The following PEMT variants were observed in gnomAD, a reference collection of about 807,000 sequenced individuals.
PEMT encodes phospholipid methyltransferase.
Under a neutral mutation model 27.4 loss-of-function variants are expected in PEMT, and 23 were observed. That is an observed-to-expected ratio of 0.84 (90% confidence interval 0.60 to 1.19). PEMT has a LOEUF of 1.19. PEMT is among the 50% of genes most tolerant of loss of function. The probability of loss-of-function intolerance (pLI) is 0.00; values close to 1 mark genes in which losing one functional copy is unlikely to be tolerated. For synonymous variants in PEMT, 137 were observed against 139.1 expected (o/e 0.98, Z 0.11); for missense variants, 307 against 310.1 (o/e 0.99, Z 0.07).
intron 1 of PEMT, among the ~76,000 whole-genome samples, chr17:17,586,541 T>A (rs1254147745): frequency 6.6e-6 from 1 of 152,160 alleles, no homozygotes; most frequent in African/African-American, 2.4e-5. Flanking sequence ...GTGGAAAGAA[T>A]GCACGCGAGG....
chr17:17,538,341 T>C lies in PEMT; in HGVS notation c.205-15946A>G, dbSNP rs186886539. ...ACAGCTCTCACTTAAATAAAATATA[T>C]ATCTAAAAATTTGCCTCAGGCTGGG... On this transcript the variant is annotated intron_variant, in intron 2 of 6. Coordinates refer to ENST00000255389, the MANE Select transcript of PEMT (RefSeq NM_148172.3). Among the ~76,000 whole-genome samples, 33 of 152,282 alleles carry C rather than the reference T, an allele frequency of 2.2e-4. No individual in the cohort carries two copies. The East Asian group carries it at 5.8e-3, about 27-fold the overall frequency.
intron 2 of PEMT, among the ~76,000 whole-genome samples, chr17:17,550,892 C>T (rs1427997432): frequency 1.3e-5 from 2 of 152,242 alleles, no homozygotes; most frequent in African/African-American, 2.4e-5. Context: ...AAACTCCACA[C>T]AGGCAGTGGG....
intron 1 of PEMT, among the ~76,000 whole-genome samples, chr17:17,590,863 C>G (rs1468738180): frequency 6.6e-6 from 1 of 152,218 alleles, no homozygotes; most frequent in Non-Finnish European, 1.5e-5. Context: ...GACAGGCACT[C>G]TCTGGCCTAG....
intron 2 of PEMT, among the ~76,000 whole-genome samples, chr17:17,576,240 T>A (rs531658590): frequency 1.3e-5 from 2 of 152,256 alleles, no homozygotes; most frequent in African/African-American, 4.8e-5. Flanking sequence ...CAGAAGGAAC[T>A]GACGGCCCTC....
At chr17:17,531,176 A>G (rs1204904361) in intron 2 of PEMT, among the ~76,000 whole-genome samples, 1 of 152,194 alleles carries the variant, frequency 6.6e-6, no homozygotes, top group African/African-American at 2.4e-5. Flanking sequence ...GGCCGATTCC[A>G]GTCTACTCTG....
intron 2 of PEMT, among the ~76,000 whole-genome samples, chr17:17,545,347 A>G (rs2142619478): frequency 6.6e-6 from 1 of 152,326 alleles, no homozygotes; most frequent in South Asian, 2.1e-4. Flanking sequence ...CACATGCCCC[A>G]TGGTCTCCAG....
chr17:17,568,222 AC>A (rs920170737), intron 2 of PEMT, among the ~76,000 whole-genome samples: 2 of 150,980 alleles, frequency 1.3e-5, no homozygotes, highest in Non-Finnish European at 3.0e-5. Flanking sequence ...TGCCCCTATG[AC>A]TCCTCCAAAA....
In PEMT at chr17:17,582,202, C is replaced by G; in HGVS notation, c.97-5175G>C. ...CTGCTACCCAGTAATTCTAATGGAA[C>G]CCCCACTCCAAGGCTCCAGGTTGCA... On this transcript the variant is annotated intron_variant, in intron 1 of 6. Coordinates refer to ENST00000255389, the MANE Select transcript of PEMT (RefSeq NM_148172.3). This position sits in a 1 kb window ranked among gnomAD's most constrained non-coding sequence, Gnocchi z 4.9. 1 of 898,858 alleles carries G rather than the reference C, an allele frequency of 1.1e-6. No homozygotes were observed. Among genetic ancestry groups the G allele is most frequent in the African/African-American group, 1.8e-5 (1 of 55,560 alleles). 55.7% of individuals were successfully genotyped at this position (898,858 alleles called of 1,614,324 possible). A position where few individuals can be genotyped will look rare whatever the true frequency, so the allele number is the denominator to read the frequency against.
chr17:17,537,233 G>T (rs1367449533), intron 2 of PEMT, among the ~76,000 whole-genome samples: 1 of 152,238 alleles, frequency 6.6e-6, no homozygotes. Context: ...CCAGCTCGGA[G>T]GTGGGAGCCC....
intron 2 of PEMT, among the ~76,000 whole-genome samples, chr17:17,572,085 T>C (rs1911245750): frequency 1.3e-5 from 2 of 152,302 alleles, no homozygotes; most frequent in South Asian, 2.1e-4. Flanking sequence ...CCTCCCACGG[T>C]TGCCCCAGGG....
Position 17,522,305 on chromosome 17 carries a change from G to A in PEMT, c.295C>T (p.Leu99Phe). ...ACYSLSVTIL[L>F]LNFLRSHCFT... ...CAGTGCGAGCGCAGGAAGTTCAGGAGCAGGATGGTGACGCTTAGAGAGTAG... is the reference window on the plus strand; with the variant it reads ...CAGTGCGAGCGCAGGAAGTTCAGGAACAGGATGGTGACGCTTAGAGAGTAG... The change falls in exon 3 of 7, where the codon CTC (leucine) becomes TTC (phenylalanine). Residue 99 changes from leucine (L) to phenylalanine (F), a missense_variant. By Grantham distance (22) the Leu-to-Phe change is conservative (BLOSUM62 0). Coordinates refer to ENST00000255389, the MANE Select transcript of PEMT (RefSeq NM_148172.3). 7.4e-6 allele frequency: 12 copies of A among 1,613,636 alleles called. No homozygotes were observed. The highest frequency in any genetic ancestry group is 1.0e-5 in the Non-Finnish European group (12 of 1,179,538).
At chr17:17,566,591 G>A (rs974520951) in intron 2 of PEMT, among the ~76,000 whole-genome samples, 2 of 152,228 alleles carry the variant, frequency 1.3e-5, no homozygotes, top group African/African-American at 4.8e-5. Flanking sequence ...ACAGAGCCAG[G>A]GCTCAGGGAA....
chr17:17,574,397 G>A (rs1369301176), intron 2 of PEMT, among the ~76,000 whole-genome samples: 2 of 145,952 alleles, frequency 1.4e-5, no homozygotes, highest in African/African-American at 5.2e-5. Context: ...TCGGCTCACT[G>A]CAACCTCCGC....
At chr17:17,519,395 G>A (rs532516348) in intron 3 of PEMT, among the ~76,000 whole-genome samples, 1 of 152,362 alleles carries the variant, frequency 6.6e-6, no homozygotes, top group South Asian at 2.1e-4. Context: ...TGCTGGCTGG[G>A]CAGATGCCAG....
At chr17:17,585,404 G>C (rs1172257487) in intron 1 of PEMT, among the ~76,000 whole-genome samples, 1 of 152,144 alleles carries the variant, frequency 6.6e-6, no homozygotes, top group Non-Finnish European at 1.5e-5. Context: ...AGAACTAAAG[G>C]GTGGAAAAGA....
chr17:17,550,289 C>T (rs1275697352), intron 2 of PEMT, among the ~76,000 whole-genome samples: 3 of 152,174 alleles, frequency 2.0e-5, no homozygotes, highest in African/African-American at 2.4e-5. Flanking sequence ...GGCCTGCTGC[C>T]GCTCGGTTTC....
upstream of PEMT, chr17:17,592,016 C>T: frequency 1.0e-6 from 1 of 985,470 alleles, no homozygotes; most frequent in Non-Finnish European, 1.2e-6. Context: ...GGCCGGGGGC[C>T]GCGGGTCGTA....
rs1597861071 is a variant in PEMT at position 17,505,575 on chromosome 17, T to G, written c.*216A>C. The G allele has an allele frequency of 2.4e-6, 1 of 422,410 alleles. No homozygotes were observed. The highest frequency in any genetic ancestry group is 2.1e-5 in the African/African-American group (1 of 48,724). The allele number at this position is 422,410 out of a possible 1,614,324, so 26.2% of individuals were successfully genotyped here. A position where few individuals can be genotyped will look rare whatever the true frequency, so the allele number is the denominator to read the frequency against. ...GCTGGAGCAGATGTTGGGGTCAGGG[T>G]GCCTTTATTGGTGAATGGGAATGTG... On this transcript the variant is annotated 3_prime_UTR_variant, in exon 7 of 7. Coordinates refer to ENST00000255389, the MANE Select transcript of PEMT (RefSeq NM_148172.3).
chr17:17,539,036 G>A lies in PEMT; in HGVS notation c.205-16641C>T, dbSNP rs536018439. ...TTTTGTTTTTGTTTCTTAAAGATTA[G>A]TATATTTTAGAAGGGGGGACTTTAA... On this transcript the variant is annotated intron_variant, in intron 2 of 6. Transcript: ENST00000255389. Among the ~76,000 whole-genome samples the A allele has an allele frequency of 3.9e-5, 6 of 152,278 alleles. No homozygotes were observed. The South Asian group carries it at 1.2e-3, about 32-fold the overall frequency.
Sources: gnomAD v4.1 joint callset for allele counts (sites outside exome capture counted in the v4.1 genomes callset) on GRCh38, gnomAD v4.1.1 for gene constraint, Gnocchi (gnomAD v3.1) non-coding constraint, MANE v1.5 for transcripts, NCBI Gene and HGNC (gene_info 2026-07-23, HGNC 2026-07-21) for gene names.